MYO1D: variants seen among roughly 807,000 people sequenced by gnomAD.
MYO1D encodes the protein myosin ID, also known as unconventional myosin-Id.
In MYO1D, 83 loss-of-function variants were observed where a neutral mutation model predicts 122.0. The observed-to-expected ratio is 0.68, with a 90% confidence interval of 0.57 to 0.82. MYO1D has a LOEUF of 0.82. Among genes scored for constraint, MYO1D ranks in the 40% least tolerant of loss-of-function variants. MYO1D has a pLI of 0.00. For missense variants in MYO1D, 1,157 were observed against 1,269.5 expected (o/e 0.91, Z 1.35); for synonymous variants, 464 against 446.9 (o/e 1.04, Z -0.48).
At position 32,793,027 on chromosome 17, in the gene MYO1D, T is replaced by C. The variant is rs189503129; in HGVS notation, c.96-12243A>G. On this transcript the variant is annotated intron_variant, in intron 1 of 21. Coordinates refer to ENST00000318217, the MANE Select transcript of MYO1D (RefSeq NM_015194.3). ...GTAAGTGTCCATGTGCCAGGTACTATGTCAAGAGCACTCAAGCTGTCTTAA... is the reference window on the plus strand; with the variant it reads ...GTAAGTGTCCATGTGCCAGGTACTACGTCAAGAGCACTCAAGCTGTCTTAA... Among the ~76,000 whole-genome samples the C allele has an allele frequency of 1.8e-4, 27 of 152,274 alleles. No homozygotes were observed. In the East Asian group the frequency reaches 5.1e-3, roughly 29 times the overall value.
intron 20 of MYO1D, among the ~76,000 whole-genome samples, chr17:32,616,210 T>C (rs2087767227): frequency 6.6e-6 from 1 of 152,346 alleles, no homozygotes; most frequent in African/African-American, 2.4e-5. Flanking sequence ...GAACTGTGCC[T>C]GGATTGAATT....
intron 1 of MYO1D, among the ~76,000 whole-genome samples, chr17:32,850,326 A>G (rs926820963): frequency 6.6e-6 from 1 of 152,206 alleles, no homozygotes; most frequent in Non-Finnish European, 1.5e-5. Context: ...TTTTAAAAAT[A>G]ACAATTATCC....
intron 16 of MYO1D, among the ~76,000 whole-genome samples, chr17:32,670,844 T>C (rs1045846710): frequency 1.3e-5 from 2 of 152,226 alleles, no homozygotes; most frequent in Non-Finnish European, 2.9e-5. Flanking sequence ...AGAGCTGTTT[T>C]GTTGCTCAAT....
In MYO1D at chr17:32,674,526, G is replaced by GT. The variant is rs553492167; in HGVS notation, c.2122-15189dup. Among the ~76,000 whole-genome samples, 493 of 149,494 alleles carry GT rather than the reference G, an allele frequency of 3.3e-3. 1 individual carries two copies. Among genetic ancestry groups the GT allele is most frequent in the South Asian group, 8.1e-3 (38 of 4,684 alleles). On this transcript the variant is annotated intron_variant, in intron 16 of 21. Transcript: ENST00000318217. Reference sequence around the variant, plus strand: ...GACACTTGACATACATTAAGAATAGGTTTTTTTTTTAAAGTACTTATTCTT... The same window carrying GT: ...GACACTTGACATACATTAAGAATAGGTTTTTTTTTTTAAAGTACTTATTCTT...
chr17:32,786,190 T>C (rs2090292076), intron 1 of MYO1D, among the ~76,000 whole-genome samples: 1 of 152,126 alleles, frequency 6.6e-6, no homozygotes, highest in Admixed American at 6.5e-5. Context: ...TGGAACAAAA[T>C]AAGTCCCATT....
chr17:32,698,315 C>CAGCCG (rs1567954732), intron 16 of MYO1D, among the ~76,000 whole-genome samples: 1 of 108,786 alleles, frequency 9.2e-6, no homozygotes, highest in Non-Finnish European at 1.9e-5. Context: ...TCCCCCTTCC[C>CAGCCG]TCCTTCCTTC....
chr17:32,627,919 A>C (rs775712689), intron 20 of MYO1D: 3 of 152,186 alleles, frequency 2.0e-5, no homozygotes, highest in Non-Finnish European at 4.4e-5. Flanking sequence ...TGGGAGGACT[A>C]ATGTCCACAT....
rs2151025919 is a variant in MYO1D, at chr17:32,775,851, A to G, written c.564+13T>C. 2 of 1,584,436 alleles carry G rather than the reference A, an allele frequency of 1.3e-6. No individual in the cohort carries two copies. Among genetic ancestry groups the G allele is most frequent in the Middle Eastern group, 1.7e-4 (1 of 5,968 alleles). ...ACTTAAAACATTACCCTCAGAAATT[A>G]AGCATATTTTACCTTTTCTAGTAAG... On this transcript the variant is annotated intron_variant, in intron 4 of 21. Coordinates refer to ENST00000318217, the MANE Select transcript of MYO1D (RefSeq NM_015194.3).
intron 16 of MYO1D, among the ~76,000 whole-genome samples, chr17:32,695,204 A>T (rs1035525261): frequency 6.6e-6 from 1 of 152,222 alleles, no homozygotes; most frequent in African/African-American, 2.4e-5. Flanking sequence ...TCAGATCATC[A>T]GGCATTAGAT....
At chr17:32,588,900 A>G (rs886498576) in intron 21 of MYO1D, among the ~76,000 whole-genome samples, 2 of 152,040 alleles carry the variant, frequency 1.3e-5, no homozygotes, top group East Asian at 3.9e-4. Flanking sequence ...CTGAGATCCC[A>G]CCACTGCACT....
intron 21 of MYO1D, among the ~76,000 whole-genome samples, chr17:32,536,476 T>C (rs1005870222): frequency 6.6e-6 from 1 of 152,222 alleles, no homozygotes; most frequent in African/African-American, 2.4e-5. Flanking sequence ...CTAACTTTTA[T>C]TATCATGGCC....
At chr17:32,554,560 G>A (rs1474334415) in intron 21 of MYO1D, among the ~76,000 whole-genome samples, 2 of 152,200 alleles carry the variant, frequency 1.3e-5, no homozygotes, top group East Asian at 1.9e-4. Flanking sequence ...GTGGGGAAAA[G>A]CATTCATGTA....
chr17:32,511,053 C>G (rs372617398), intron 21 of MYO1D, among the ~76,000 whole-genome samples: 1 of 152,176 alleles, frequency 6.6e-6, no homozygotes, highest in African/African-American at 2.4e-5. Context: ...AGGGCTGGGG[C>G]CACCTCAGTG....
chr17:32,624,789 T>C (rs1488521579), intron 20 of MYO1D, among the ~76,000 whole-genome samples: 1 of 151,356 alleles, frequency 6.6e-6, no homozygotes. Flanking sequence ...TTTGTATCTT[T>C]TTTTTTTTTT....
intron 1 of MYO1D, among the ~76,000 whole-genome samples, chr17:32,826,148 A>C (rs1247333924): frequency 6.6e-6 from 1 of 151,536 alleles, no homozygotes; most frequent in Non-Finnish European, 1.5e-5. Flanking sequence ...TATTTTAGAG[A>C]TCTTGATGAT....
At chr17:32,798,575 T>C (rs563076236) in intron 1 of MYO1D, among the ~76,000 whole-genome samples, 1 of 152,310 alleles carries the variant, frequency 6.6e-6, no homozygotes, top group East Asian at 1.9e-4. Flanking sequence ...CTGTAACTCT[T>C]TTGATGCCAA....
intron 16 of MYO1D, among the ~76,000 whole-genome samples, chr17:32,672,146 T>C (rs2150961115): frequency 6.6e-6 from 1 of 152,292 alleles, no homozygotes; most frequent in East Asian, 1.9e-4. Flanking sequence ...CATTTTAAGT[T>C]TTCCAATAGT....
chr17:32,842,979 C>A (rs2151075375), intron 1 of MYO1D, among the ~76,000 whole-genome samples: 1 of 150,328 alleles, frequency 6.7e-6, no homozygotes, highest in South Asian at 2.1e-4. Context: ...ACCTCTGCCT[C>A]CTGGGTTCAA....
intron 16 of MYO1D, among the ~76,000 whole-genome samples, chr17:32,682,979 CTCGCT>C (rs1328515978): frequency 2.7e-5 from 3 of 110,424 alleles, no homozygotes; most frequent in Non-Finnish European, 5.4e-5. Context: ...AACTTCCCTT[CTCGCT>C]TCATTTCATT....
Sources: allele counts gnomAD v4.1 joint callset (sites outside exome capture counted in the v4.1 genomes callset), GRCh38; gene constraint gnomAD v4.1.1; transcripts MANE v1.5; gene names NCBI Gene and HGNC (gene_info 2026-07-23, HGNC 2026-07-21).